The following MEF2A variants were observed in gnomAD, a reference collection of about 807,000 sequenced individuals.
MEF2A encodes myocyte-specific enhancer factor 2A.
A neutral mutation model predicts 55.8 loss-of-function variants in MEF2A; 28 were observed. The ratio of observed to expected loss-of-function variants is 0.50; its 90% CI spans 0.37 to 0.69. The LOEUF (loss-of-function observed/expected upper bound fraction) is 0.69. Among genes scored for constraint, MEF2A ranks in the 30% least tolerant of loss-of-function variants. MEF2A has a pLI of 0.00. For missense variants in MEF2A, 528 were observed against 626.2 expected, an observed-to-expected ratio of 0.84 and a Z score of 1.67; for synonymous variants, 239 against 227.1, an observed-to-expected ratio of 1.05 and a Z score of -0.47.
chr15:99,695,536 C>G (rs1246034526), intron 8 of MEF2A, among the ~76,000 whole-genome samples: 1 of 70,796 alleles, frequency 1.4e-5, no homozygotes, highest in Non-Finnish European at 4.0e-5. Context: ...AAAAGATTGT[C>G]AGATTTGTGT....
chr15:99,616,460 A>G (rs35655388), intron 2 of MEF2A, among the ~76,000 whole-genome samples: 9,312 of 152,228 alleles, frequency 0.061, 358 homozygotes, highest in East Asian at 0.17. Context: ...AATTAAGTCA[A>G]TGAGGTAACA....
rs113210163 is a variant in MEF2A at position 99,602,037 on chromosome 15, C to T, written c.-143+3526C>T. Reference sequence around the variant, plus strand: ...CCAGCGGTGAATCTGCATGGGTCTACGGCAACCTCAGTTCTTGCCCTCTCA... The same window carrying T: ...CCAGCGGTGAATCTGCATGGGTCTATGGCAACCTCAGTTCTTGCCCTCTCA... On this transcript the variant is annotated intron_variant, in intron 2 of 11. Transcript: ENST00000557942. Among the ~76,000 whole-genome samples, 339 of 152,184 alleles carry T rather than the reference C, an allele frequency of 2.2e-3. 3 individuals carry two copies. The highest frequency in any genetic ancestry group is 7.9e-3 in the African/African-American group (327 of 41,496).
At position 99,632,982 on chromosome 15, in the gene MEF2A, T is replaced by C. The variant is rs2043179672; in HGVS notation, c.-138T>C. 2 of 606,774 alleles carry C rather than the reference T, an allele frequency of 3.3e-6. No individual in the cohort carries two copies. The highest frequency in any genetic ancestry group is 2.2e-5 in the South Asian group (1 of 45,112). 37.6% of individuals were successfully genotyped at this position (606,774 alleles called of 1,614,324 possible). ...CTAATTTGTGTTTTCTTTTAGATCT[T>C]GTAGAAAATTTCAGCTGTAGCCCTT... On this transcript the variant is annotated 5_prime_UTR_variant, in exon 3 of 12. Transcript: ENST00000557942.
intron 2 of MEF2A, among the ~76,000 whole-genome samples, chr15:99,614,974 T>C (rs1226284387): frequency 6.6e-6 from 1 of 152,152 alleles, no homozygotes; most frequent in Non-Finnish European, 1.5e-5. Context: ...CTTGGGCTTT[T>C]AAGAACAGTG....
Position 99,567,924 on chromosome 15 carries a change from G to A in MEF2A, c.-225+1820G>A, listed in dbSNP as rs139888679. On this transcript the variant is annotated intron_variant, in intron 1 of 11. Transcript: ENST00000557942. ...GATAATGGTGTTACAATAATCAAAA[G>A]TACTCTGAAGAGCTAAAACTGGTGA... 1.1e-3 allele frequency among the ~76,000 whole-genome samples: 166 copies of A among 152,248 alleles called. 1 individual carries two copies. Among genetic ancestry groups the A allele is most frequent in the African/African-American group, 3.9e-3 (160 of 41,548 alleles).
At chr15:99,593,168 C>T (rs1567179828) in intron 1 of MEF2A, among the ~76,000 whole-genome samples, 1 of 152,082 alleles carries the variant, frequency 6.6e-6, no homozygotes, top group African/African-American at 2.4e-5. Flanking sequence ...CTCCTGAGTA[C>T]CATCCTTTTT....
intron 2 of MEF2A, among the ~76,000 whole-genome samples, chr15:99,605,605 G>A (rs1449533784): frequency 6.6e-6 from 1 of 151,646 alleles, no homozygotes; most frequent in Non-Finnish European, 1.5e-5. Flanking sequence ...AAATTGGTAT[G>A]CTTTTTTGTA....
intron 2 of MEF2A, among the ~76,000 whole-genome samples, chr15:99,629,098 T>G (rs564749063): frequency 5.9e-5 from 9 of 152,310 alleles, no homozygotes; most frequent in African/African-American, 2.2e-4. Context: ...TTATTGTTGC[T>G]TCTTGAAGTT....
intron 1 of MEF2A, among the ~76,000 whole-genome samples, chr15:99,577,575 A>G (rs2152809616): frequency 1.3e-5 from 2 of 152,360 alleles, no homozygotes; most frequent in South Asian, 4.1e-4. Context: ...ATATAACCAT[A>G]ATGTAAATGC....
At chr15:99,650,660 A>G (rs2046706844) in intron 4 of MEF2A, among the ~76,000 whole-genome samples, 1 of 152,240 alleles carries the variant, frequency 6.6e-6, no homozygotes, top group Non-Finnish European at 1.5e-5. Context: ...TGGAAGTAAC[A>G]TCTGAAAGAA....
rs576536065 is a variant in MEF2A, at chr15:99,667,755, G to A, written c.259-3568G>A. Among the ~76,000 whole-genome samples, 5 of 151,964 alleles carry A rather than the reference G, an allele frequency of 3.3e-5. No homozygotes were observed. The East Asian group carries it at 9.7e-4, about 30-fold the overall frequency. Reference sequence around the variant, plus strand: ...AACTTCCACCAGGCGGGATTTGTTTGCACATCTACAAACACAAATTATTTG... The same window carrying A: ...AACTTCCACCAGGCGGGATTTGTTTACACATCTACAAACACAAATTATTTG... On this transcript the variant is annotated intron_variant, in intron 4 of 11. Coordinates refer to ENST00000557942, the MANE Select transcript of MEF2A (RefSeq NM_001319206.4).
At chr15:99,584,278 C>T (rs962965686) in intron 1 of MEF2A, among the ~76,000 whole-genome samples, 2 of 151,870 alleles carry the variant, frequency 1.3e-5, no homozygotes, top group Non-Finnish European at 2.9e-5. Flanking sequence ...TGTTAGATAC[C>T]CCAAGGCAGT....
At chr15:99,671,573 A>G (rs779074435) in intron 5 of MEF2A, 119 bp downstream of exon 5, 7 of 1,612,058 alleles carry the variant, frequency 4.3e-6, no homozygotes, top group African/African-American at 1.3e-5. Flanking sequence ...CTGATACTTC[A>G]TATGTGCTAA....
upstream of MEF2A, chr15:99,565,505 G>T (rs1397786665): frequency 6.6e-6 from 1 of 150,588 alleles, no homozygotes; most frequent in East Asian, 1.9e-4. Flanking sequence ...GCGGCGGAGC[G>T]GGGGCGGCAG....
intron 1 of MEF2A, among the ~76,000 whole-genome samples, chr15:99,591,228 T>G (rs779283169): frequency 6.6e-6 from 1 of 152,226 alleles, no homozygotes; most frequent in African/African-American, 2.4e-5. Flanking sequence ...GGTAACAGAT[T>G]GTCTCAGCTT....
At chr15:99,667,200 T>TTTTTTGG (rs1365730611) in intron 4 of MEF2A, among the ~76,000 whole-genome samples, 2 of 152,036 alleles carry the variant, frequency 1.3e-5, no homozygotes, top group Non-Finnish European at 2.9e-5. Context: ...AATAGTTTTG[T>TTTTTTGG]TTTTTGGTTT....
chr15:99,656,893 GCTAT>G (rs971514419), intron 4 of MEF2A, among the ~76,000 whole-genome samples: 7 of 152,016 alleles, frequency 4.6e-5, no homozygotes, highest in African/African-American at 7.2e-5. Flanking sequence ...AACCATGAAC[GCTAT>G]CTAATTCTAG....
chr15:99,586,937 C>G (rs768054955), intron 1 of MEF2A, among the ~76,000 whole-genome samples: 25 of 151,972 alleles, frequency 1.6e-4, no homozygotes, highest in African/African-American at 6.0e-4. Flanking sequence ...ATCAAATGAC[C>G]GTATTTGTGT....
chr15:99,625,693 G>A (rs920982712), intron 2 of MEF2A, among the ~76,000 whole-genome samples: 6 of 151,976 alleles, frequency 3.9e-5, no homozygotes, highest in Admixed American at 1.3e-4. Flanking sequence ...AAAGGGTGTT[G>A]TATTTTGTCA....
Sources: allele counts gnomAD v4.1 joint callset (sites outside exome capture counted in the v4.1 genomes callset), GRCh38; gene constraint gnomAD v4.1.1; transcripts MANE v1.5; gene names NCBI Gene and HGNC (gene_info 2026-07-23, HGNC 2026-07-21).